MR1: variants seen among roughly 807,000 people sequenced by gnomAD.
MR1 encodes major histocompatibility complex, class I-related.
MR1 carries 44 observed loss-of-function variants against 37.8 expected under a neutral mutation model. The observed-to-expected ratio is 1.16, with a 90% CI of 0.91 to 1.50. The LOEUF is 1.50. MR1 is among the 40% of genes most tolerant of loss of function. MR1 has a pLI of 0.00. For synonymous variants in MR1, 153 were observed against 155.8 expected, an observed-to-expected ratio of 0.98 and a Z score of 0.13; for missense variants, 386 against 419.1, an observed-to-expected ratio of 0.92 and a Z score of 0.69.
At chr1:181,051,923 G>A (rs1658340406) in intron 3 of MR1, among the ~76,000 whole-genome samples, 2 of 152,100 alleles carry the variant, frequency 1.3e-5, no homozygotes, top group East Asian at 1.9e-4. Flanking sequence ...AGTTTTCCTT[G>A]ACACATAAAG....
intron 1 of MR1, among the ~76,000 whole-genome samples, chr1:181,035,080 C>T (rs756156802): frequency 1.1e-4 from 17 of 152,120 alleles, no homozygotes; most frequent in Non-Finnish European, 1.9e-4. Context: ...GCAGACGGAT[C>T]GCTTGAGGTC....
In MR1 at chr1:181,041,076, T is replaced by C. The variant is rs546604801; in HGVS notation, c.67+7002T>C. Among the ~76,000 whole-genome samples, 85 of 131,058 alleles carry C rather than the reference T, an allele frequency of 6.5e-4. No individual in the cohort carries two copies. In the South Asian group the frequency reaches 8.1e-3, roughly 12 times the overall value. 86.0% of individuals were successfully genotyped at this position (131,058 alleles called of 152,430 possible). ...CAGCCCGGGTGACAGAGTGAGACTC[T>C]GTCTCAATAAATAAATAAATAAATA... is the stretch of plus-strand genomic sequence containing the variant. On this transcript the variant is annotated intron_variant, in intron 1 of 5. Coordinates refer to ENST00000367580, the MANE Select transcript of MR1 (RefSeq NM_001385161.1).
intron 1 of MR1, among the ~76,000 whole-genome samples, chr1:181,046,206 G>T (rs943604859): frequency 6.6e-6 from 1 of 152,254 alleles, no homozygotes; most frequent in African/African-American, 2.4e-5. Flanking sequence ...AAGGGCTGAG[G>T]AGTGCGGGCG....
chr1:181,048,238 T>TAAA (rs1210075406), intron 1 of MR1, among the ~76,000 whole-genome samples: 1 of 86,424 alleles, frequency 1.2e-5, no homozygotes, highest in South Asian at 3.2e-4. Flanking sequence ...TAAAATAAAA[T>TAAA]AAATAAATAA....
intron 1 of MR1, among the ~76,000 whole-genome samples, chr1:181,040,213 A>G (rs1030330832): frequency 9.2e-5 from 14 of 152,222 alleles, no homozygotes; most frequent in African/African-American, 3.4e-4. Flanking sequence ...CTGATGATCT[A>G]TCTGTTCATG....
In MR1 at chr1:181,034,075, G is replaced by A. The variant is rs780099733; in HGVS notation, c.67+1G>A. On this transcript the variant is annotated splice_donor_variant, in intron 1 of 5. Transcript: ENST00000367580. LOFTEE classifies it high-confidence loss of function. ...TTAATGGTGAAGCACAGCGATTCCC[G>A]TGAGTATCCCACGTCCTCTTCTCTC... The A allele has an allele frequency of 1.2e-5, 20 of 1,612,316 alleles. No individual in the cohort carries two copies. Among genetic ancestry groups the A allele is most frequent in the South Asian group, 2.2e-5 (2 of 90,808 alleles).
At position 181,052,086 on chromosome 1, in the gene MR1, T is replaced by A. The variant is rs1658352546; in HGVS notation, c.605-149T>A. 50 of 862,260 alleles carry A rather than the reference T, an allele frequency of 5.8e-5. No individual in the cohort carries two copies. The South Asian group carries it at 8.6e-4, about 15-fold the overall frequency. 53.4% of individuals were successfully genotyped at this position (862,260 alleles called of 1,614,324 possible). A position where few individuals can be genotyped will look rare whatever the true frequency, so the allele number is the denominator to read the frequency against. Reference sequence around the variant, plus strand: ...TCATGGAAGGTATACGTAAATACGTTTGTTGTTGATGAACCTGAGTTCTGG... The same window carrying A: ...TCATGGAAGGTATACGTAAATACGTATGTTGTTGATGAACCTGAGTTCTGG... On this transcript the variant is annotated intron_variant, in intron 3 of 5. Transcript: ENST00000367580.
In MR1 at chr1:181,058,337, T is replaced by C. The variant is rs1658723758; in HGVS notation, c.*3072T>C. ...TTTTTTTTTTTAACTCCACTGTATT[T>C]ATTACCTGTTTTTGTTTTTTTTGTT... is the stretch of plus-strand genomic sequence containing the variant. On this transcript the variant is annotated 3_prime_UTR_variant, in exon 6 of 6. Transcript: ENST00000367580. The C allele has an allele frequency of 6.6e-6, 1 of 151,620 alleles. No individual in the cohort carries two copies. The highest frequency in any genetic ancestry group is 1.5e-5 in the Non-Finnish European group (1 of 68,040). 9.4% of individuals were successfully genotyped at this position (151,620 alleles called of 1,614,324 possible).
intron 3 of MR1, among the ~76,000 whole-genome samples, chr1:181,051,434 A>G (rs1046264783): frequency 2.0e-5 from 3 of 152,180 alleles, no homozygotes; most frequent in Non-Finnish European, 4.4e-5. Flanking sequence ...CAAGGAAAGC[A>G]TTGTTGGAGT....
In MR1 at chr1:181,055,210, C is replaced by A; in HGVS notation, c.986-15C>A. 6.2e-7 allele frequency: 1 copy of A among 1,612,958 alleles called. No individual in the cohort carries two copies. Among genetic ancestry groups the A allele is most frequent in the South Asian group, 1.1e-5 (1 of 91,056 alleles). On this transcript the variant is annotated splice_polypyrimidine_tract_variant and intron_variant, in intron 5 of 5. Transcript: ENST00000367580. ...AACATTCTTGTAATCTGACTAAAAA[C>A]CCCTTTCCTTTCAGAGCAAAATGGA...
intron 1 of MR1, among the ~76,000 whole-genome samples, chr1:181,034,284 G>A (rs1335199389): frequency 6.6e-6 from 1 of 152,152 alleles, no homozygotes; most frequent in Admixed American, 6.5e-5. Flanking sequence ...TTCTGAGGGA[G>A]GGGGAGCCGT....
rs1479515643 is a variant in MR1, at chr1:181,058,159, A to G, written c.*2894A>G. ...TGGTTGTTGAGTACAGATGCTCAGTAATCATAACCTATGAAATATTTGACA... is the reference window on the plus strand; with the variant it reads ...TGGTTGTTGAGTACAGATGCTCAGTGATCATAACCTATGAAATATTTGACA... On this transcript the variant is annotated 3_prime_UTR_variant, in exon 6 of 6. Coordinates refer to ENST00000367580, the MANE Select transcript of MR1 (RefSeq NM_001385161.1). 1 of 152,270 alleles carries G rather than the reference A, an allele frequency of 6.6e-6. No individual in the cohort carries two copies. Among genetic ancestry groups the G allele is most frequent in the Non-Finnish European group, 1.5e-5 (1 of 68,054 alleles). 9.4% of individuals were successfully genotyped at this position (152,270 alleles called of 1,614,324 possible). A position where few individuals can be genotyped will look rare whatever the true frequency, so the allele number is the denominator to read the frequency against.
At chr1:181,052,608 C>T (rs1658385039) in intron 4 of MR1, 98 bp downstream of exon 4, 3 of 1,326,976 alleles carry the variant, frequency 2.3e-6, no homozygotes, top group Non-Finnish European at 2.1e-6. Flanking sequence ...TAGATCACTG[C>T]CTCACTCAGT....
At position 181,057,170 on chromosome 1, in the gene MR1, C is replaced by A. The variant is rs1175148029; in HGVS notation, c.*1905C>A. 1.3e-5 allele frequency: 2 copies of A among 152,330 alleles called. No homozygotes were observed. Among genetic ancestry groups the A allele is most frequent in the African/African-American group, 4.8e-5 (2 of 41,438 alleles). 9.4% of individuals were successfully genotyped at this position (152,330 alleles called of 1,614,324 possible). A position where few individuals can be genotyped will look rare whatever the true frequency, so the allele number is the denominator to read the frequency against. On this transcript the variant is annotated 3_prime_UTR_variant, in exon 6 of 6. Coordinates refer to ENST00000367580, the MANE Select transcript of MR1 (RefSeq NM_001385161.1). ...AGTGTGCCAGGCCTCTAAGAGCTCA[C>A]CTGCCAGGCTTCCTCCTTGCTCCAC...
chr1:181,054,979 A>T (rs1030599473), intron 5 of MR1, among the ~76,000 whole-genome samples: 4 of 151,738 alleles, frequency 2.6e-5, no homozygotes, highest in African/African-American at 9.8e-5. Context: ...TGATAGTGAA[A>T]CAAACAAAAA....
At chr1:181,045,799 G>A (rs1657821466) in intron 1 of MR1, among the ~76,000 whole-genome samples, 1 of 152,242 alleles carries the variant, frequency 6.6e-6, no homozygotes, top group Middle Eastern at 3.2e-3. Context: ...GCCAAAGCCG[G>A]AGCCCGCTCC....
upstream of MR1, chr1:181,033,808 G>C (rs774845042): frequency 4.7e-5 from 24 of 510,848 alleles, no homozygotes; most frequent in African/African-American, 1.4e-4. Context: ...GGAGCAAGCA[G>C]TGTCTGAAAC....
At chr1:181,047,651 A>C (rs935337749) in intron 1 of MR1, among the ~76,000 whole-genome samples, 7 of 151,628 alleles carry the variant, frequency 4.6e-5, no homozygotes, top group Admixed American at 1.3e-4. Flanking sequence ...TAATCCCAGC[A>C]CTTTGGGAGG....
In MR1 at chr1:181,057,616, G is replaced by A. The variant is rs911649098; in HGVS notation, c.*2351G>A. On this transcript the variant is annotated 3_prime_UTR_variant, in exon 6 of 6. Coordinates refer to ENST00000367580, the MANE Select transcript of MR1 (RefSeq NM_001385161.1). ...ATGGATGAAGAGGAGGCAAGGACAA[G>A]GATGTGATGACAAAACATTCTGTTA... 6.6e-6 allele frequency: 1 copy of A among 152,160 alleles called. No individual in the cohort carries two copies. The highest frequency in any genetic ancestry group is 1.5e-5 in the Non-Finnish European group (1 of 68,018). 9.4% of individuals were successfully genotyped at this position (152,160 alleles called of 1,614,324 possible).
Sources: allele counts gnomAD v4.1 joint callset (sites outside exome capture counted in the v4.1 genomes callset), GRCh38; gene constraint gnomAD v4.1.1; transcripts MANE v1.5; gene names NCBI Gene and HGNC (gene_info 2026-07-23, HGNC 2026-07-21).